CADPS: variants seen among roughly 807,000 people sequenced by gnomAD.
CADPS encodes the protein calcium dependent secretion activator.
In CADPS, 57 loss-of-function variants were observed where a neutral mutation model predicts 167.3. The observed-to-expected ratio is 0.34, with a 90% CI of 0.28 to 0.42. The LOEUF (loss-of-function observed/expected upper bound fraction) is 0.42. Ranked by LOEUF, CADPS falls within the 20% of genes least tolerant of loss-of-function variation. The probability of loss-of-function intolerance (pLI) is 1.00; values close to 1 mark genes in which losing one functional copy is unlikely to be tolerated. For synonymous variants in CADPS, 676 were observed against 635.3 expected (o/e 1.06, Z -0.96); for missense variants, 1,414 against 1,738.1 (o/e 0.81, Z 3.32).
intron 26 of CADPS, among the ~76,000 whole-genome samples, chr3:62,452,286 T>G (rs74327304): frequency 6.6e-6 from 1 of 152,312 alleles, no homozygotes; most frequent in African/African-American, 2.4e-5. Context: ...TGAATTGCAC[T>G]TGTATATTAA....
At chr3:62,466,925 C>A (rs925850473) in intron 24 of CADPS, among the ~76,000 whole-genome samples, 2 of 152,178 alleles carry the variant, frequency 1.3e-5, no homozygotes, top group Non-Finnish European at 2.9e-5. Context: ...CTCATTTTGT[C>A]TCCAAGTCTT....
intron 1 of CADPS, among the ~76,000 whole-genome samples, chr3:62,799,052 A>G (rs1016112949): frequency 6.6e-6 from 1 of 152,106 alleles, no homozygotes; most frequent in African/African-American, 2.4e-5. Flanking sequence ...GTCATCCTCT[A>G]GCACCCTGTT....
At chr3:62,863,838 C>T (rs1179810750) in intron 1 of CADPS, among the ~76,000 whole-genome samples, 1 of 152,118 alleles carries the variant, frequency 6.6e-6, no homozygotes, top group Admixed American at 6.5e-5. Context: ...CCTTGGCCAG[C>T]TCAGTTATAT....
intron 1 of CADPS, among the ~76,000 whole-genome samples, chr3:62,789,745 A>T (rs1461514078): frequency 6.6e-6 from 1 of 152,312 alleles, no homozygotes; most frequent in Admixed American, 6.5e-5. Flanking sequence ...TTTCAAATAA[A>T]CCTATCAAAA....
chr3:62,798,920 A>G (rs1332469824), intron 1 of CADPS, among the ~76,000 whole-genome samples: 1 of 152,192 alleles, frequency 6.6e-6, no homozygotes, highest in Non-Finnish European at 1.5e-5. Flanking sequence ...GAAGCTCCCA[A>G]GTACTGATGG....
At chr3:62,709,778 TA>T (rs2083034487) in intron 3 of CADPS, among the ~76,000 whole-genome samples, 4 of 151,998 alleles carry the variant, frequency 2.6e-5, no homozygotes, top group African/African-American at 9.7e-5. Flanking sequence ...ATGTATTTAT[TA>T]TTTTTTTTGA....
At chr3:62,768,841 G>C (rs1054508693) in intron 1 of CADPS, among the ~76,000 whole-genome samples, 1 of 152,154 alleles carries the variant, frequency 6.6e-6, no homozygotes, top group African/African-American at 2.4e-5. Context: ...TTTTAATCAA[G>C]TTCAGAGAAC....
intron 13 of CADPS, among the ~76,000 whole-genome samples, chr3:62,519,170 T>C (rs550522563): frequency 2.0e-5 from 3 of 152,338 alleles, no homozygotes; most frequent in African/African-American, 4.8e-5. Flanking sequence ...CCAGATCTCA[T>C]AGTGACTTGT....
At position 62,533,058 on chromosome 3, in the gene CADPS, C is replaced by T. The variant is rs987619083; in HGVS notation, c.2104G>A (p.Gly702Ser). The T allele has an allele frequency of 6.2e-7, 1 of 1,612,646 alleles. No homozygotes were observed. Among genetic ancestry groups the T allele is most frequent in the Non-Finnish European group, 8.5e-7 (1 of 1,179,174 alleles). ...AACACCTGGCCAGGACTGAACCAGC[C>T]CTATATAAAGAATAAAGGAGAGACT... ...HRLNDSYSCL[G>S]WFSPGQVFVL... Residue 702 changes from glycine (G) to serine (S), a missense_variant and splice_region_variant, in exon 13 of 30, where the codon GGC becomes AGC. Gly to Ser is a moderately conservative substitution (Grantham distance 56). This residue lies in a region of CADPS where 529 missense variants were observed against 629.6 expected (regional missense o/e 0.84). Coordinates refer to ENST00000383710, the MANE Select transcript of CADPS (RefSeq NM_003716.4).
Position 62,775,058 on chromosome 3 carries a change from CAG to C in CADPS, c.442-9076_442-9075del, listed in dbSNP as rs375556124. On this transcript the variant is annotated intron_variant, in intron 1 of 29. Coordinates refer to ENST00000383710, the MANE Select transcript of CADPS (RefSeq NM_003716.4). ...TTTTTGTTTTGTTTTGTTTTTGAGA[CAG>C]AGTCTCTCACTCTGTCACTCAGGCT... Among the ~76,000 whole-genome samples the C allele has an allele frequency of 6.5e-4, 99 of 151,822 alleles. 1 individual carries two copies. In the East Asian group the frequency reaches 0.013, roughly 20 times the overall value.
At chr3:62,770,266 C>T (rs1295504178) in intron 1 of CADPS, among the ~76,000 whole-genome samples, 1 of 152,210 alleles carries the variant, frequency 6.6e-6, no homozygotes, top group Non-Finnish European at 1.5e-5. Flanking sequence ...GTAAAGTTCT[C>T]CCAGATAATC....
intron 2 of CADPS, among the ~76,000 whole-genome samples, chr3:62,760,027 T>C (rs2085000160): frequency 6.6e-6 from 1 of 152,104 alleles, no homozygotes; most frequent in South Asian, 2.1e-4. Flanking sequence ...TGGTGCTAGA[T>C]TAGGAGCAAA....
chr3:62,548,551 A>C (rs1342370329), intron 11 of CADPS, among the ~76,000 whole-genome samples: 1 of 152,252 alleles, frequency 6.6e-6, no homozygotes, highest in African/African-American at 2.4e-5. Context: ...AGGGTGTTGC[A>C]AGGTGTAAGA....
At chr3:62,661,524 G>T (rs1313806481) in intron 4 of CADPS, among the ~76,000 whole-genome samples, 2 of 152,112 alleles carry the variant, frequency 1.3e-5, no homozygotes, top group African/African-American at 2.4e-5. Flanking sequence ...GCAAGGTGAG[G>T]CTAAAATGAA....
chr3:62,837,621 A>G (rs745656403), intron 1 of CADPS, among the ~76,000 whole-genome samples: 6 of 152,158 alleles, frequency 3.9e-5, no homozygotes, highest in Non-Finnish European at 8.8e-5. Flanking sequence ...ATGTTTCACA[A>G]TGAATTATCT....
intron 5 of CADPS, among the ~76,000 whole-genome samples, chr3:62,648,182 T>C (rs1368690290): frequency 6.6e-6 from 1 of 152,188 alleles, no homozygotes; most frequent in African/African-American, 2.4e-5. Context: ...CAAACAGATG[T>C]GCAATGGTTT....
intron 1 of CADPS, among the ~76,000 whole-genome samples, chr3:62,806,765 A>G (rs571738622): frequency 6.6e-6 from 1 of 152,066 alleles, no homozygotes; most frequent in South Asian, 2.1e-4. Context: ...TGATTTTTTT[A>G]AAAAAGGAAA....
At chr3:62,661,389 G>A (rs2073166927) in intron 4 of CADPS, among the ~76,000 whole-genome samples, 1 of 152,152 alleles carries the variant, frequency 6.6e-6, no homozygotes, top group Non-Finnish European at 1.5e-5. Context: ...AGTGAGGGGA[G>A]AAACATGGTT....
At chr3:62,653,529 C>T (rs1274707901) in intron 4 of CADPS, among the ~76,000 whole-genome samples, 1 of 152,086 alleles carries the variant, frequency 6.6e-6, no homozygotes, top group African/African-American at 2.4e-5. Flanking sequence ...TATAATTAAT[C>T]AATCAATTGT....
Sources: gnomAD v4.1 joint callset for allele counts (sites outside exome capture counted in the v4.1 genomes callset) on GRCh38, gnomAD v4.1.1 for gene constraint, gnomAD v4.1.1 regional missense constraint, MANE v1.5 for transcripts, NCBI Gene and HGNC (gene_info 2026-07-23, HGNC 2026-07-21) for gene names.